The following PPP2R2B variants were observed in gnomAD, a reference collection of about 807,000 sequenced individuals.
The protein encoded by PPP2R2B is protein phosphatase 2 regulatory subunit Bbeta, also known as serine/threonine-protein phosphatase 2A 55 kDa regulatory subunit B beta isoform.
A neutral mutation model predicts 46.0 loss-of-function variants in PPP2R2B; 5 were observed. That is an observed-to-expected ratio of 0.11 (90% CI 0.06 to 0.23). The LOEUF (loss-of-function observed/expected upper bound fraction) is 0.23. Among genes scored for constraint, PPP2R2B ranks in the 10% least tolerant of loss-of-function variants. The pLI is 1.00. For missense variants in PPP2R2B, 367 were observed against 575.0 expected (o/e 0.64, Z 3.70); for synonymous variants, 215 against 206.7 (o/e 1.04, Z -0.34).
At chr5:147,041,740 T>A (rs1228611072) in intron 1 of PPP2R2B, among the ~76,000 whole-genome samples, 12 of 152,190 alleles carry the variant, frequency 7.9e-5, no homozygotes, top group Non-Finnish European at 1.2e-4. Context: ...TTTATTTTTA[T>A]TATTTGCTTT....
At chr5:146,816,240 C>T (rs1041212801) in intron 2 of PPP2R2B, among the ~76,000 whole-genome samples, 2 of 152,012 alleles carry the variant, frequency 1.3e-5, no homozygotes, top group East Asian at 3.9e-4. Context: ...TCCATCTCTA[C>T]AAAAAAATTA....
At chr5:146,735,203 T>C (rs17105323) in intron 2 of PPP2R2B, among the ~76,000 whole-genome samples, 13,270 of 152,132 alleles carry the variant, frequency 0.087, 1,338 homozygotes, top group African/African-American at 0.25. Context: ...ACAGGTAAAA[T>C]CAGGCTGCCA....
At chr5:147,066,897 G>A (rs1378526699) in intron 2 of PPP2R2B, among the ~76,000 whole-genome samples, 2 of 152,020 alleles carry the variant, frequency 1.3e-5, no homozygotes, top group Non-Finnish European at 2.9e-5. Context: ...GATTAGCCTG[G>A]GTGTTGGCCA....
intron 6 of PPP2R2B, among the ~76,000 whole-genome samples, chr5:146,643,051 T>G (rs1775322445): frequency 6.6e-6 from 1 of 152,202 alleles, no homozygotes; most frequent in Admixed American, 6.5e-5. Context: ...AGCCAGACCC[T>G]GTATTGAAAA....
rs1769978498 is a variant in PPP2R2B, at chr5:146,583,061, G to A, written c.*6886C>T. 1 of 152,142 alleles carries A rather than the reference G, an allele frequency of 6.6e-6. No homozygotes were observed. The highest frequency in any genetic ancestry group is 2.4e-5 in the African/African-American group (1 of 41,426). 9.4% of individuals were successfully genotyped at this position (152,142 alleles called of 1,614,324 possible). On this transcript the variant is annotated 3_prime_UTR_variant, in exon 10 of 10. Transcript: ENST00000394411. Reference sequence around the variant, plus strand: ...TTTTACTAATCAGTCATACCAGAGTGTTGTGAATTCCATATATATATAGCA... The same window carrying A: ...TTTTACTAATCAGTCATACCAGAGTATTGTGAATTCCATATATATATAGCA...
intron 8 of PPP2R2B, among the ~76,000 whole-genome samples, chr5:146,596,725 C>G (rs1384653677): frequency 6.6e-6 from 1 of 152,174 alleles, no homozygotes; most frequent in African/African-American, 2.4e-5. Flanking sequence ...CAAATGAAAG[C>G]TTGGGGGCAA....
chr5:146,828,115 G>A (rs1283737292), intron 2 of PPP2R2B, among the ~76,000 whole-genome samples: 1 of 152,022 alleles, frequency 6.6e-6, no homozygotes, highest in Admixed American at 6.6e-5. Flanking sequence ...AGGAGGTTAG[G>A]AGCAGCCCCC....
chr5:146,905,659 G>A (rs1454235621), intron 1 of PPP2R2B, among the ~76,000 whole-genome samples: 1 of 152,124 alleles, frequency 6.6e-6, no homozygotes, highest in East Asian at 1.9e-4. Context: ...ATACTACTTA[G>A]CAATTAAAAG....
chr5:146,717,922 G>A (rs1780585238), intron 2 of PPP2R2B, among the ~76,000 whole-genome samples: 1 of 152,124 alleles, frequency 6.6e-6, no homozygotes, highest in Non-Finnish European at 1.5e-5. Flanking sequence ...CTTCCTGAGA[G>A]TGGACTTTTC....
intron 1 of PPP2R2B, among the ~76,000 whole-genome samples, chr5:146,887,708 T>C (rs1389240413): frequency 4.6e-5 from 7 of 152,224 alleles, no homozygotes; most frequent in Non-Finnish European, 1.0e-4. Flanking sequence ...TCAACATGTA[T>C]ACCTTCAATT....
chr5:146,656,778 G>C (rs1174514384), intron 5 of PPP2R2B: 1 of 152,320 alleles, frequency 6.6e-6, no homozygotes. Flanking sequence ...GTCAGGGCCG[G>C]ATCACCACCT....
intron 2 of PPP2R2B, among the ~76,000 whole-genome samples, chr5:146,736,486 C>T (rs57912544): frequency 0.13 from 20,085 of 152,062 alleles, 1,734 homozygotes; most frequent in East Asian, 0.4. Flanking sequence ...CTAACTTGCT[C>T]CAGATCGTGC....
intron 4 of PPP2R2B, among the ~76,000 whole-genome samples, chr5:146,693,483 G>C (rs1779001599): frequency 6.6e-6 from 1 of 152,044 alleles, no homozygotes; most frequent in Non-Finnish European, 1.5e-5. Flanking sequence ...CCAAAGTGCT[G>C]GGATTACAGG....
At chr5:146,594,489 G>A (rs1380387610) in intron 8 of PPP2R2B, among the ~76,000 whole-genome samples, 1 of 152,202 alleles carries the variant, frequency 6.6e-6, no homozygotes, top group Non-Finnish European at 1.5e-5. Context: ...CTAGCACGGA[G>A]TGGCAATAAT....
chr5:146,894,277 C>G (rs1024830115), intron 1 of PPP2R2B, among the ~76,000 whole-genome samples: 7 of 152,116 alleles, frequency 4.6e-5, no homozygotes, highest in African/African-American at 1.4e-4. Flanking sequence ...GGAAAGGAAT[C>G]CAAGGCCCTT....
intron 1 of PPP2R2B, among the ~76,000 whole-genome samples, chr5:146,890,248 C>A (rs1396705620): frequency 6.6e-6 from 1 of 152,206 alleles, no homozygotes; most frequent in Non-Finnish European, 1.5e-5. Flanking sequence ...TTCTCCCTTG[C>A]CTCTGCTTTT....
chr5:146,884,364 T>G (rs1413220560), intron 1 of PPP2R2B, among the ~76,000 whole-genome samples: 1 of 152,192 alleles, frequency 6.6e-6, no homozygotes, highest in African/African-American at 2.4e-5. Flanking sequence ...TGTCGTTGTC[T>G]GATCCTTTCC....
intron 2 of PPP2R2B, among the ~76,000 whole-genome samples, chr5:146,810,839 C>T (rs1317077748): frequency 6.6e-6 from 1 of 151,872 alleles, no homozygotes; most frequent in Non-Finnish European, 1.5e-5. Flanking sequence ...TAGTCATTTA[C>T]ATTAGGTATA....
chr5:146,958,028 T>C (rs138257624), intron 1 of PPP2R2B, among the ~76,000 whole-genome samples: 24 of 152,002 alleles, frequency 1.6e-4, no homozygotes, highest in African/African-American at 5.8e-4. Flanking sequence ...AGTAGGAAAA[T>C]CTGAGTTGGA....
Sources: allele counts gnomAD v4.1 joint callset (sites outside exome capture counted in the v4.1 genomes callset), GRCh38; gene constraint gnomAD v4.1.1; transcripts MANE v1.5; gene names NCBI Gene and HGNC (gene_info 2026-07-23, HGNC 2026-07-21).